TMC1: variants seen among roughly 807,000 people sequenced by gnomAD.
The protein encoded by TMC1 is transmembrane channel-like protein 1.
TMC1 carries 84 observed loss-of-function variants against 105.8 expected under a neutral mutation model. The observed-to-expected ratio is 0.79, with a 90% CI of 0.67 to 0.95. The LOEUF (loss-of-function observed/expected upper bound fraction) is 0.95. TMC1 is among the 40% of genes least tolerant of loss of function. The probability of loss-of-function intolerance (pLI) is 0.00; values close to 1 mark genes in which losing one functional copy is unlikely to be tolerated. For synonymous variants in TMC1, 315 were observed against 311.5 expected, an observed-to-expected ratio of 1.01 and a Z score of -0.12; for missense variants, 817 against 914.1, an observed-to-expected ratio of 0.89 and a Z score of 1.37.
rs946704189 is a variant in TMC1 at position 72,815,102 on chromosome 9, T to C, written c.1696-1041T>C. ...TATTTACTGCATTCTTATTCCCTTATTACCAGTTGGTCAGTCTCCTCTGAT... is the reference window on the plus strand; with the variant it reads ...TATTTACTGCATTCTTATTCCCTTACTACCAGTTGGTCAGTCTCCTCTGAT... On this transcript the variant is annotated intron_variant, in intron 18 of 23. Transcript: ENST00000297784. Among the ~76,000 whole-genome samples the C allele has an allele frequency of 5.9e-5, 9 of 152,270 alleles. No individual in the cohort carries two copies. The South Asian group carries it at 1.7e-3, about 28-fold the overall frequency.
chr9:72,555,973 CAAAAAAAAAAAA>C lies in TMC1; in HGVS notation c.-427-21909_-427-21898del, dbSNP rs59431883. 6.4e-3 allele frequency among the ~76,000 whole-genome samples: 272 copies of C among 42,576 alleles called. 1 individual carries two copies. The highest frequency in any genetic ancestry group is 8.2e-3 in the Non-Finnish European group (210 of 25,632). 27.9% of individuals were successfully genotyped at this position (42,576 alleles called of 152,430 possible). On this transcript the variant is annotated intron_variant, in intron 1 of 23. Coordinates refer to ENST00000297784, the MANE Select transcript of TMC1 (RefSeq NM_138691.3). Reference sequence around the variant, plus strand: ...CAGGAAAACCAATCTATGACTAAGGCAAAAAAAAAAAAAAAAAAAAAAAAAAAAAAAGTTGCA... The same window carrying C: ...CAGGAAAACCAATCTATGACTAAGGCAAAAAAAAAAAAAAAAAAAGTTGCA...
At chr9:72,576,496 C>G (rs140330865) in intron 1 of TMC1, among the ~76,000 whole-genome samples, 210 of 152,134 alleles carry the variant, frequency 1.4e-3, no homozygotes, top group Non-Finnish European at 2.5e-3. Flanking sequence ...TTACGGAGCT[C>G]CTTCTTGTGC....
intron 1 of TMC1, among the ~76,000 whole-genome samples, chr9:72,575,960 A>T (rs983010329): frequency 1.3e-5 from 2 of 152,104 alleles, no homozygotes. Flanking sequence ...CCATCAGCTA[A>T]ACAAGTTTTC....
chr9:72,760,404 A>G (rs1827737787), intron 12 of TMC1, among the ~76,000 whole-genome samples: 2 of 152,148 alleles, frequency 1.3e-5, no homozygotes, highest in Admixed American at 6.5e-5. Context: ...TTAAAAATTC[A>G]TAATCCTGAC....
intron 1 of TMC1, among the ~76,000 whole-genome samples, chr9:72,561,476 G>A (rs1046560747): frequency 4.6e-5 from 7 of 152,204 alleles, no homozygotes; most frequent in African/African-American, 1.2e-4. Context: ...TAGCAGTGAT[G>A]TGGAAGGCTG....
chr9:72,832,418 G>T (rs1829055431), intron 23 of TMC1, among the ~76,000 whole-genome samples: 1 of 152,138 alleles, frequency 6.6e-6, no homozygotes, highest in South Asian at 2.1e-4. Context: ...TTCTTTCCTA[G>T]AAATTCCTCA....
chr9:72,603,848 G>GTTTTT (rs534608884), intron 2 of TMC1, among the ~76,000 whole-genome samples: 14 of 73,998 alleles, frequency 1.9e-4, no homozygotes, highest in Non-Finnish European at 1.7e-4. Context: ...GCGACCGGCT[G>GTTTTT]TTTTTTTTTT....
chr9:72,788,468 C>T lies in TMC1; in HGVS notation c.1014C>T (p.Ile338=), dbSNP rs1299560119. The T allele has an allele frequency of 2.5e-6, 4 of 1,613,992 alleles. No homozygotes were observed. Among genetic ancestry groups the T allele is most frequent in the Admixed American group, 1.7e-5 (1 of 60,016 alleles). ...PETADNKFNS[I]TMNFKEAITE... Reference sequence around the variant, plus strand: ...CAGCAGACAACAAATTTAATTCTATCACAATGAACTTTAAGGTAGAGGCAC... The same window carrying T: ...CAGCAGACAACAAATTTAATTCTATTACAATGAACTTTAAGGTAGAGGCAC... Residue 338 remains isoleucine, a synonymous_variant, in exon 14 of 24, where the codon ATC becomes ATT. Transcript: ENST00000297784.
At chr9:72,539,556 A>C (rs1311406170) in intron 1 of TMC1, among the ~76,000 whole-genome samples, 1 of 152,032 alleles carries the variant, frequency 6.6e-6, no homozygotes, top group African/African-American at 2.4e-5. Flanking sequence ...TCTAGTTCCC[A>C]GTAAGTTTCT....
chr9:72,720,166 A>G (rs1826997098), intron 8 of TMC1, among the ~76,000 whole-genome samples: 1 of 152,172 alleles, frequency 6.6e-6, no homozygotes, highest in South Asian at 2.1e-4. Context: ...AAACTCTGAG[A>G]GGATAAATAA....
intron 2 of TMC1, among the ~76,000 whole-genome samples, chr9:72,606,980 T>TGC (rs1824926860): frequency 8.0e-6 from 1 of 125,086 alleles, no homozygotes; most frequent in Admixed American, 8.3e-5. Context: ...TGTGTGTGTG[T>TGC]GCATATATAT....
At chr9:72,612,051 G>C (rs1258963833) in intron 2 of TMC1, among the ~76,000 whole-genome samples, 1 of 152,120 alleles carries the variant, frequency 6.6e-6, no homozygotes, top group Non-Finnish European at 1.5e-5. Context: ...GGGAGCACTT[G>C]CATGAGCTTG....
chr9:72,809,409 T>C (rs1167795991), intron 18 of TMC1, among the ~76,000 whole-genome samples: 1 of 152,230 alleles, frequency 6.6e-6, no homozygotes, highest in Non-Finnish European at 1.5e-5. Context: ...AAAAAAGCTC[T>C]GTCAGAATCA....
At chr9:72,656,211 T>A (rs1825882669) in intron 5 of TMC1, 4 of 512,652 alleles carry the variant, frequency 7.8e-6, no homozygotes, top group South Asian at 1.6e-5. Flanking sequence ...CGCGGCTTCC[T>A]GACCTACTTG....
intron 20 of TMC1, among the ~76,000 whole-genome samples, chr9:72,824,841 T>A (rs1828928125): frequency 6.6e-6 from 1 of 152,232 alleles, no homozygotes; most frequent in Non-Finnish European, 1.5e-5. Flanking sequence ...TCTGAGGATT[T>A]AACTTGGACC....
chr9:72,752,191 T>A (rs1400908781), intron 11 of TMC1, among the ~76,000 whole-genome samples: 1 of 152,164 alleles, frequency 6.6e-6, no homozygotes, highest in Non-Finnish European at 1.5e-5. Context: ...TTCACATGTA[T>A]GTTTAAATGT....
chr9:72,621,914 G>T (rs971400897), intron 3 of TMC1, among the ~76,000 whole-genome samples: 2 of 152,276 alleles, frequency 1.3e-5, no homozygotes, highest in South Asian at 2.1e-4. Flanking sequence ...TATCTGCAAA[G>T]AATTATTTGA....
At chr9:72,717,056 C>A (rs1826934230) in intron 8 of TMC1, among the ~76,000 whole-genome samples, 1 of 152,192 alleles carries the variant, frequency 6.6e-6, no homozygotes, top group Non-Finnish European at 1.5e-5. Flanking sequence ...GGCAACGCCC[C>A]ACCCTACTTT....
At chr9:72,766,936 G>A (rs772796570) in intron 12 of TMC1, among the ~76,000 whole-genome samples, 4 of 152,200 alleles carry the variant, frequency 2.6e-5, no homozygotes, top group Admixed American at 6.5e-5. Context: ...GTGGCCATGC[G>A]CTGCTGTCAG....
Sources: allele counts gnomAD v4.1 joint callset (sites outside exome capture counted in the v4.1 genomes callset), GRCh38; gene constraint gnomAD v4.1.1; transcripts MANE v1.5; gene names NCBI Gene and HGNC (gene_info 2026-07-23, HGNC 2026-07-21).